Variants in SRC observed in about 807,000 individuals in gnomAD.
SRC encodes SRC proto-oncogene, non-receptor tyrosine kinase, also known as proto-oncogene tyrosine-protein kinase Src.
In SRC, 13 loss-of-function variants were observed where a neutral mutation model predicts 62.9. That is an observed-to-expected ratio of 0.21 (90% CI 0.13 to 0.33). SRC has a LOEUF of 0.33. Among genes scored for constraint, SRC ranks in the 10% least tolerant of loss-of-function variants. The pLI, the probability that SRC is intolerant of heterozygous loss-of-function variation, is 1.00. For synonymous variants in SRC, 302 were observed against 317.5 expected (o/e 0.95, Z 0.52); for missense variants, 457 against 737.3 (o/e 0.62, Z 4.40).
intron 2 of SRC, among the ~76,000 whole-genome samples, chr20:37,370,934 A>G (rs2070153400): frequency 6.6e-6 from 1 of 150,776 alleles, no homozygotes; most frequent in Admixed American, 6.6e-5. Context: ...CCATCTCTTT[A>G]CTTGCTTTAG....
In SRC at chr20:37,397,636, TGAGG is replaced by T. The variant is rs1350957308; in HGVS notation, c.704-61_704-58del. The T allele has an allele frequency of 2.0e-5, 29 of 1,481,278 alleles. No individual in the cohort carries two copies. The highest frequency in any genetic ancestry group is 2.5e-5 in the Non-Finnish European group (28 of 1,114,426). 91.8% of individuals were successfully genotyped at this position (1,481,278 alleles called of 1,614,324 possible). The stretch of plus-strand genomic sequence containing the variant: ...ATCTGGCATGTAGGGCGACACACAC[TGAGG>T]GGCAGGGAGGCCCCAGGGCAGAAGA... On this transcript the variant is annotated intron_variant, in intron 8 of 13. Coordinates refer to ENST00000373578, the MANE Select transcript of SRC (RefSeq NM_198291.3). This position sits in a 1 kb window ranked among gnomAD's most constrained non-coding sequence, Gnocchi z 4.1.
intron 1 of SRC, among the ~76,000 whole-genome samples, 184 bp downstream of exon 1, chr20:37,346,439 C>T (rs955496238): frequency 4.1e-5 from 6 of 145,532 alleles, no homozygotes; most frequent in Non-Finnish European, 9.2e-5. Context: ...GGGCCATGCC[C>T]GGCGCGGCCT....
At chr20:37,344,855 T>A (rs116404139), upstream of SRC, 3 of 152,406 alleles carry the variant, frequency 2.0e-5, no homozygotes, top group African/African-American at 7.2e-5. Context: ...TTCCCAGGAA[T>A]CTTCTGTGGC....
chr20:37,391,345 G>A (rs993285435), intron 5 of SRC, among the ~76,000 whole-genome samples: 7 of 152,122 alleles, frequency 4.6e-5, no homozygotes, highest in Admixed American at 4.6e-4. Context: ...GCTGTGGACA[G>A]TCAGGGGCCC....
chr20:37,373,268 GCACACACA>G (rs10535931), intron 2 of SRC, among the ~76,000 whole-genome samples: 1 of 149,944 alleles, frequency 6.7e-6, no homozygotes, highest in African/African-American at 2.5e-5. Context: ...ATGTACATAC[GCACACACA>G]CACACACATA....
intron 2 of SRC, among the ~76,000 whole-genome samples, chr20:37,367,173 A>ATAG (rs2070076571): frequency 6.8e-6 from 1 of 147,910 alleles, no homozygotes; most frequent in Non-Finnish European, 1.5e-5. Context: ...CTTGGGCTCT[A>ATAG]ACAATCCTCT....
In SRC at chr20:37,403,762, C is replaced by T. The variant is rs1198236184; in HGVS notation, c.*383C>T. ...AACTCCTTCCCCACTTCTGTGCCACCCCCGGTCTATGTCGAGAGCTGGCCA... is the reference window on the plus strand; with the variant it reads ...AACTCCTTCCCCACTTCTGTGCCACTCCCGGTCTATGTCGAGAGCTGGCCA... On this transcript the variant is annotated 3_prime_UTR_variant, in exon 14 of 14. Transcript: ENST00000373578. The surrounding 1 kb of genome is among the most constrained non-coding windows in gnomAD (Gnocchi z 7.1). 1 of 299,850 alleles carries T rather than the reference C, an allele frequency of 3.3e-6. No homozygotes were observed. The highest frequency in any genetic ancestry group is 4.9e-5 in the East Asian group (1 of 20,532). The allele number at this position is 299,850 out of a possible 1,614,324, so 18.6% of individuals were successfully genotyped here. A position where few individuals can be genotyped will look rare whatever the true frequency, so the allele number is the denominator to read the frequency against.
chr20:37,355,113 C>T (rs1299983321), intron 1 of SRC, among the ~76,000 whole-genome samples: 1 of 152,090 alleles, frequency 6.6e-6, no homozygotes, highest in Admixed American at 6.5e-5. Flanking sequence ...GGGATTTGGA[C>T]TGGCGCTGGG....
rs550313866 is a variant in SRC at position 37,405,390 on chromosome 20, G to T, written c.*2011G>T. The T allele has an allele frequency of 2.3e-5, 5 of 214,080 alleles. No individual in the cohort carries two copies. In the East Asian group the frequency reaches 3.5e-4, roughly 15 times the overall value. 13.3% of individuals were successfully genotyped at this position (214,080 alleles called of 1,614,324 possible). ...ATTGGTTGTAAATACTTTGCATATT[G>T]TCTGATTAAACACAAACAGACCTCA... On this transcript the variant is annotated 3_prime_UTR_variant, in exon 14 of 14. Coordinates refer to ENST00000373578, the MANE Select transcript of SRC (RefSeq NM_198291.3).
intron 2 of SRC, among the ~76,000 whole-genome samples, chr20:37,373,145 CAT>C (rs535961378): frequency 7.3e-5 from 11 of 151,282 alleles, no homozygotes; most frequent in Middle Eastern, 6.9e-3. Context: ...CACATATGTA[CAT>C]ATACACACAT....
chr20:37,364,279 C>G (rs2070027847), intron 1 of SRC, among the ~76,000 whole-genome samples: 1 of 151,794 alleles, frequency 6.6e-6, no homozygotes, highest in African/African-American at 2.4e-5. Context: ...TGACATCAGG[C>G]AAGCAGCCCC....
intron 5 of SRC, among the ~76,000 whole-genome samples, chr20:37,386,887 A>C (rs772236743): frequency 6.6e-6 from 1 of 152,262 alleles, no homozygotes. Context: ...GCCAAGAGTC[A>C]GGCAGTGGGC....
At chr20:37,352,021 G>A (rs1424232466) in intron 1 of SRC, among the ~76,000 whole-genome samples, 1 of 152,222 alleles carries the variant, frequency 6.6e-6, no homozygotes, top group Non-Finnish European at 1.5e-5. Flanking sequence ...GGGATCTTGG[G>A]TGCTCACGGA....
At chr20:37,385,865 C>T (rs112308318) in intron 4 of SRC, among the ~76,000 whole-genome samples, 31 of 152,368 alleles carry the variant, frequency 2.0e-4, no homozygotes, top group African/African-American at 7.5e-4. Flanking sequence ...AAGGGATGCT[C>T]CCGCTCCCAC....
intron 5 of SRC, among the ~76,000 whole-genome samples, chr20:37,391,033 G>A (rs112744410): frequency 1.3e-5 from 2 of 152,304 alleles, no homozygotes; most frequent in African/African-American, 2.4e-5. Context: ...AGCCCTGCTC[G>A]CTGAAGTCGG....
intron 9 of SRC, among the ~76,000 whole-genome samples, chr20:37,399,688 G>C (rs1346876364): frequency 6.6e-6 from 1 of 152,018 alleles, no homozygotes; most frequent in African/African-American, 2.4e-5. Context: ...AGTATTACAG[G>C]CACGCACCAC....
At chr20:37,352,461 T>C (rs1734431775) in intron 1 of SRC, among the ~76,000 whole-genome samples, 1 of 152,156 alleles carries the variant, frequency 6.6e-6, no homozygotes, top group African/African-American at 2.4e-5. Flanking sequence ...ACTGGATTGA[T>C]TGGAAGCCAC....
Position 37,404,475 on chromosome 20 carries a change from C to T in SRC, c.*1096C>T. 4.3e-6 allele frequency: 1 copy of T among 233,700 alleles called. No individual in the cohort carries two copies. 14.5% of individuals were successfully genotyped at this position (233,700 alleles called of 1,614,324 possible). Reference sequence around the variant, plus strand: ...AGGAGGCCCTGGTCCTGGCCTCCTTCCCCGTACTTTGTCCCGTGGCATTTC... The same window carrying T: ...AGGAGGCCCTGGTCCTGGCCTCCTTTCCCGTACTTTGTCCCGTGGCATTTC... On this transcript the variant is annotated 3_prime_UTR_variant, in exon 14 of 14. Transcript: ENST00000373578.
rs2147008743 is a variant in SRC, at chr20:37,375,880, C to T, written c.-172-6739C>T. Among the ~76,000 whole-genome samples, 2 of 152,346 alleles carry T rather than the reference C, an allele frequency of 1.3e-5. 1 individual carries two copies. The highest frequency in any genetic ancestry group is 1.3e-4 in the Admixed American group (2 of 15,302). Reference sequence around the variant, plus strand: ...TCAGTGTCTGATGAGGACTCTCTTCCTGGTTTGCAAACGGCCACCTTCTTA... The same window carrying T: ...TCAGTGTCTGATGAGGACTCTCTTCTTGGTTTGCAAACGGCCACCTTCTTA... On this transcript the variant is annotated intron_variant, in intron 2 of 13. Coordinates refer to ENST00000373578, the MANE Select transcript of SRC (RefSeq NM_198291.3).
Sources: gnomAD v4.1 joint callset for allele counts (sites outside exome capture counted in the v4.1 genomes callset) on GRCh38, gnomAD v4.1.1 for gene constraint, Gnocchi (gnomAD v3.1) non-coding constraint, MANE v1.5 for transcripts, NCBI Gene and HGNC (gene_info 2026-07-23, HGNC 2026-07-21) for gene names.